The following SPRTN variants were observed in gnomAD, a reference collection of about 807,000 sequenced individuals.
The protein encoded by SPRTN is SprT-like N-terminal domain.
In SPRTN, 11 loss-of-function variants were observed where a neutral mutation model predicts 31.9. The ratio of observed to expected loss-of-function variants is 0.34; its 90% CI spans 0.22 to 0.57. The LOEUF (loss-of-function observed/expected upper bound fraction) is 0.57. Among genes scored for constraint, SPRTN ranks in the 20% least tolerant of loss-of-function variants. The pLI, the probability that SPRTN is intolerant of heterozygous loss-of-function variation, is 0.86. For missense variants in SPRTN, 482 were observed against 590.1 expected (o/e 0.82, Z 1.90); for synonymous variants, 185 against 212.1 (o/e 0.87, Z 1.11).
At chr1:231,348,739 T>A (rs1018004942) in intron 3 of SPRTN, among the ~76,000 whole-genome samples, 1 of 152,178 alleles carries the variant, frequency 6.6e-6, no homozygotes, top group African/African-American at 2.4e-5. Flanking sequence ...TCTCCCTCTT[T>A]TGAATCCTCA....
intron 2 of SPRTN, among the ~76,000 whole-genome samples, chr1:231,342,471 C>G (rs1233416143): frequency 6.6e-6 from 1 of 151,956 alleles, no homozygotes; most frequent in Non-Finnish European, 1.5e-5. Context: ...GCTCTTGTTG[C>G]CCAGGCTGGA....
At chr1:231,346,045 C>T (rs1426208586) in intron 2 of SPRTN, among the ~76,000 whole-genome samples, 2 of 151,970 alleles carry the variant, frequency 1.3e-5, no homozygotes, top group Non-Finnish European at 2.9e-5. Flanking sequence ...GAACTCCTGG[C>T]CTCGAGCAAT....
In SPRTN at chr1:231,347,899, A is replaced by C. The variant is rs755104564; in HGVS notation, c.424A>C (p.Asn142His). The C allele has an allele frequency of 3.7e-6, 6 of 1,613,788 alleles. No homozygotes were observed. Among genetic ancestry groups the C allele is most frequent in the Non-Finnish European group, 4.2e-6 (5 of 1,179,980 alleles). Residue 142 changes from asparagine (N) to histidine (H), a missense_variant, in exon 3 of 5, where the codon AAC becomes CAC. By Grantham distance (68) the Asn-to-His change is moderately conservative. Around this residue, in one of 2 missense-constraint regions of SPRTN, gnomAD observed 157 missense variants for 239.9 expected, o/e 0.65. Coordinates refer to ENST00000295050, the MANE Select transcript of SPRTN (RefSeq NM_032018.7). ...ATTTTGTAAACATATGCATCGCATC[A>C]ACAGCCTGACTGGAGCCAATATAAC... ...PEFCKHMHRI[N>H]SLTGANITVY...
intron 2 of SPRTN, among the ~76,000 whole-genome samples, chr1:231,345,426 C>A (rs905754683): frequency 6.6e-6 from 1 of 152,182 alleles, no homozygotes; most frequent in Non-Finnish European, 1.5e-5. Context: ...CTGTGCCCAG[C>A]CCCCTGTCTT....
At chr1:231,346,717 C>A (rs551360751) in intron 2 of SPRTN, among the ~76,000 whole-genome samples, 2 of 151,988 alleles carry the variant, frequency 1.3e-5, no homozygotes, top group Middle Eastern at 3.2e-3. Context: ...CTGAGGCGGG[C>A]AGATTGCTTG....
intron 3 of SPRTN, among the ~76,000 whole-genome samples, chr1:231,350,826 G>A (rs980824752): frequency 5.7e-4 from 17 of 29,952 alleles, no homozygotes; most frequent in African/African-American, 7.1e-5. Context: ...TGTTGTTAGC[G>A]TCAGTCAGGC....
At position 231,351,455 on chromosome 1, in the gene SPRTN, A is replaced by G. The variant is rs745622557; in HGVS notation, c.602A>G (p.His201Arg). The G allele has an allele frequency of 3.1e-6, 5 of 1,614,092 alleles. No individual in the cohort carries two copies. Among genetic ancestry groups the G allele is most frequent in the Non-Finnish European group, 4.2e-6 (5 of 1,180,048 alleles). The stretch of plus-strand genomic sequence containing the variant: ...GCTCATGACTATTGGTGGGCTGAGC[A>G]CCAGAAAACCTGTGGAGGCACTTAC... ...PSAHDYWWAE[H>R]QKTCGGTYIK... The change falls in exon 4 of 5, where the codon CAC (histidine) becomes CGC (arginine). Residue 201 changes from histidine (H) to arginine (R), a missense_variant. Around this residue, in one of 2 missense-constraint regions of SPRTN, gnomAD observed 325 missense variants for 350.2 expected, o/e 0.93. Coordinates refer to ENST00000295050, the MANE Select transcript of SPRTN (RefSeq NM_032018.7).
chr1:231,344,375 CATG>C (rs1686987705), intron 2 of SPRTN, among the ~76,000 whole-genome samples: 2 of 152,066 alleles, frequency 1.3e-5, no homozygotes, highest in Non-Finnish European at 1.5e-5. Context: ...GGTGTGGTGA[CATG>C]CGCCTGTAAT....
chr1:231,346,866 G>A (rs755700517), intron 2 of SPRTN, among the ~76,000 whole-genome samples: 6 of 152,004 alleles, frequency 3.9e-5, no homozygotes, highest in Non-Finnish European at 8.8e-5. Flanking sequence ...CACTTGGACC[G>A]AGGAGGCAGA....
intron 3 of SPRTN, 60 bp downstream of exon 3, chr1:231,347,985 A>T: frequency 1.9e-6 from 3 of 1,564,556 alleles, no homozygotes; most frequent in Admixed American, 2.0e-5. Flanking sequence ...AACTCCTGAG[A>T]TTTAATTAAA....
At chr1:231,339,092 TC>T (rs1686784232) in intron 1 of SPRTN, among the ~76,000 whole-genome samples, 2 of 152,306 alleles carry the variant, frequency 1.3e-5, no homozygotes, top group South Asian at 4.1e-4. Context: ...CGATTCTTTT[TC>T]TACACGCTAA....
chr1:231,351,675 T>C (rs545161153), intron 4 of SPRTN, 104 bp downstream of exon 4: 2 of 1,518,062 alleles, frequency 1.3e-6, no homozygotes, highest in African/African-American at 2.8e-5. Context: ...TAAGGATCGT[T>C]TCTGGTGTAG....
intron 1 of SPRTN, among the ~76,000 whole-genome samples, chr1:231,339,079 A>C (rs898150500): frequency 5.9e-5 from 9 of 152,146 alleles, no homozygotes; most frequent in Admixed American, 5.2e-4. Flanking sequence ...GATGCTTTTA[A>C]AACGATTCTT....
chr1:231,351,406 C>T lies in SPRTN; in HGVS notation c.553C>T (p.Arg185Ter), dbSNP rs1687233058. Residue 185 changes from arginine (R) to a stop codon, truncating the protein, a stop_gained, in exon 4 of 5, where the codon CGA (arginine) becomes TGA (stop). Coordinates refer to ENST00000295050, the MANE Select transcript of SPRTN (RefSeq NM_032018.7). LOFTEE classifies it high-confidence loss of function. ...GCCACCGTATTACGGCTATGTCAAA[C>T]GAGCTACTAACAGGGAACCCTCTGC... Reference protein sequence around the residue: ...HRPPYYGYVKRATNREPSAHD... With the variant: ...HRPPYYGYVK 3.7e-6 allele frequency: 6 copies of T among 1,614,056 alleles called. No individual in the cohort carries two copies. The highest frequency in any genetic ancestry group is 5.1e-6 in the Non-Finnish European group (6 of 1,180,020).
At chr1:231,346,941 C>CA (rs3071944) in intron 2 of SPRTN, among the ~76,000 whole-genome samples, 187 of 148,650 alleles carry the variant, frequency 1.3e-3, no homozygotes, top group African/African-American at 2.9e-3. Context: ...GACCCTGTCT[C>CA]AAAAAAAAAA....
rs1687235250 is a variant in SPRTN at position 231,351,450 on chromosome 1, T to C, written c.597T>C (p.Ala199=). 6 of 1,614,126 alleles carry C rather than the reference T, an allele frequency of 3.7e-6. No individual in the cohort carries two copies. The highest frequency in any genetic ancestry group is 5.1e-6 in the Non-Finnish European group (6 of 1,180,032). The part of the protein sequence containing the change: ...REPSAHDYWW[A]EHQKTCGGTY... ...CCTCTGCTCATGACTATTGGTGGGC[T>C]GAGCACCAGAAAACCTGTGGAGGCA... Residue 199 remains alanine (A), a synonymous_variant, in exon 4 of 5, where the codon GCT becomes GCC. Transcript: ENST00000295050.
intron 2 of SPRTN, among the ~76,000 whole-genome samples, chr1:231,341,014 A>G (rs998284107): frequency 1.3e-5 from 2 of 152,226 alleles, no homozygotes; most frequent in African/African-American, 4.8e-5. Context: ...TTTTTACCAC[A>G]GTTTGTTTAA....
At chr1:231,339,604 G>T (rs997310322) in intron 1 of SPRTN, 165 bp from the exon 2 acceptor site, 2 of 818,216 alleles carry the variant, frequency 2.4e-6, no homozygotes, top group Non-Finnish European at 4.1e-6. Context: ...GCCCGCGGGG[G>T]TTGTAACTAA....
Position 231,353,997 on chromosome 1 carries a change from C to A in SPRTN, c.*636C>A, listed in dbSNP as rs1344150658. The A allele has an allele frequency of 1.1e-6, 1 of 938,444 alleles. No homozygotes were observed. 58.1% of individuals were successfully genotyped at this position (938,444 alleles called of 1,614,324 possible). A position where few individuals can be genotyped will look rare whatever the true frequency, so the allele number is the denominator to read the frequency against. On this transcript the variant is annotated 3_prime_UTR_variant, in exon 5 of 5. Coordinates refer to ENST00000295050, the MANE Select transcript of SPRTN (RefSeq NM_032018.7). ...GGAATATAGTAAAATAAGTAAATTT[C>A]TTTTGGAATATTTTTAGTAACAAAT...
Sources: allele counts gnomAD v4.1 joint callset (sites outside exome capture counted in the v4.1 genomes callset), GRCh38; gene constraint gnomAD v4.1.1; regional missense constraint gnomAD v4.1.1; transcripts MANE v1.5; gene names NCBI Gene and HGNC (gene_info 2026-07-23, HGNC 2026-07-21).